The following SAMD3 variants were observed in gnomAD, a reference collection of about 807,000 sequenced individuals.
SAMD3 encodes sterile alpha motif domain-containing protein 3.
A neutral mutation model predicts 58.5 loss-of-function variants in SAMD3; 63 were observed. The ratio of observed to expected loss-of-function variants is 1.08; its 90% CI spans 0.88 to 1.33. The LOEUF is 1.33. SAMD3 is among the 40% of genes most tolerant of loss of function. The pLI is 0.00. For synonymous variants in SAMD3, 220 were observed against 210.3 expected (o/e 1.05, Z -0.40); for missense variants, 604 against 608.4 (o/e 0.99, Z 0.08).
intron 2 of SAMD3, among the ~76,000 whole-genome samples, chr6:130,248,740 T>C (rs2114906153): frequency 6.6e-6 from 1 of 152,290 alleles, no homozygotes. Flanking sequence ...AGGCAGGCTC[T>C]CCTTGAGGGT....
intron 1 of SAMD3, among the ~76,000 whole-genome samples, chr6:130,314,342 C>T (rs1178765795): frequency 6.6e-6 from 1 of 152,140 alleles, no homozygotes; most frequent in Non-Finnish European, 1.5e-5. Flanking sequence ...AAAATAGACA[C>T]CTTTAAGCAA....
intron 1 of SAMD3, among the ~76,000 whole-genome samples, chr6:130,363,420 A>G (rs1440177644): frequency 6.6e-6 from 1 of 152,228 alleles, no homozygotes; most frequent in Non-Finnish European, 1.5e-5. Flanking sequence ...ATAATACTAT[A>G]CCAAGAGTGA....
chr6:130,235,252 G>A (rs1378044446), intron 2 of SAMD3, among the ~76,000 whole-genome samples: 1 of 152,148 alleles, frequency 6.6e-6, no homozygotes, highest in Non-Finnish European at 1.5e-5. Flanking sequence ...TTGTCTTCTG[G>A]TAGAACTAAA....
chr6:130,207,168 A>AAAAAAAAAG (rs1401085331), intron 5 of SAMD3, among the ~76,000 whole-genome samples: 2 of 147,028 alleles, frequency 1.4e-5, no homozygotes, highest in African/African-American at 5.1e-5. Context: ...TCAAAAAAAA[A>AAAAAAAAAG]AAAAGAAAAA....
At chr6:130,174,037 C>G (rs926940225) in intron 8 of SAMD3, among the ~76,000 whole-genome samples, 1 of 152,176 alleles carries the variant, frequency 6.6e-6, no homozygotes, top group African/African-American at 2.4e-5. Context: ...CCACCAAGCT[C>G]GATCATCCCA....
At chr6:130,192,066 A>G (rs1793598039) in intron 5 of SAMD3, among the ~76,000 whole-genome samples, 1 of 152,144 alleles carries the variant, frequency 6.6e-6, no homozygotes, top group African/African-American at 2.4e-5. Flanking sequence ...GGTTCTCCTC[A>G]TCTGAATCCC....
chr6:130,347,296 T>A (rs971579868), intron 1 of SAMD3, among the ~76,000 whole-genome samples: 8 of 151,918 alleles, frequency 5.3e-5, no homozygotes, highest in African/African-American at 1.9e-4. Context: ...AGGAGGAAGT[T>A]CAAACCCATG....
At chr6:130,197,319 C>A (rs1167408283) in intron 5 of SAMD3, among the ~76,000 whole-genome samples, 2 of 152,190 alleles carry the variant, frequency 1.3e-5, no homozygotes, top group Non-Finnish European at 2.9e-5. Context: ...CTCATACATG[C>A]CCTGCTCTTG....
chr6:130,345,116 T>C lies in SAMD3; in HGVS notation c.-304+20004A>G, dbSNP rs1454951966. 2.0e-5 allele frequency among the ~76,000 whole-genome samples: 3 copies of C among 152,200 alleles called. No individual in the cohort carries two copies. The East Asian group carries it at 5.8e-4, about 29-fold the overall frequency. ...AGTAAGTGGCTCAATACTTAATATGTCTTTAATAAATGAGTGTGGAGTTGA... is the reference window on the plus strand; with the variant it reads ...AGTAAGTGGCTCAATACTTAATATGCCTTTAATAAATGAGTGTGGAGTTGA... On this transcript the variant is annotated intron_variant, in intron 1 of 13. Transcript: ENST00000368134.
chr6:130,338,133 G>A lies in SAMD3; in HGVS notation c.-303-25040C>T, dbSNP rs182833895. Among the ~76,000 whole-genome samples, 609 of 152,288 alleles carry A rather than the reference G, an allele frequency of 4.0e-3. 3 individuals carry two copies. The highest frequency in any genetic ancestry group is 4.1e-3 in the South Asian group (20 of 4,826). ...GTAGCCTGGGGACTTGGTGCCCTGC[G>A]TTCCAGCTGCTCCAGCTCCAGCTGG... On this transcript the variant is annotated intron_variant, in intron 1 of 13. Coordinates refer to the SAMD3 transcript ENST00000368134.
intron 2 of SAMD3, among the ~76,000 whole-genome samples, chr6:130,268,308 G>A (rs910138944): frequency 6.6e-6 from 1 of 152,132 alleles, no homozygotes; most frequent in African/African-American, 2.4e-5. Flanking sequence ...TAATCTAAGT[G>A]TTACTACAAA....
intron 2 of SAMD3, among the ~76,000 whole-genome samples, chr6:130,308,473 G>A (rs1213211961): frequency 6.9e-6 from 1 of 145,388 alleles, no homozygotes; most frequent in Admixed American, 6.9e-5. Context: ...TCCTTGGGGA[G>A]AAAGCTCATC....
intron 1 of SAMD3, among the ~76,000 whole-genome samples, chr6:130,339,787 A>C (rs1272849357): frequency 6.6e-6 from 1 of 152,150 alleles, no homozygotes; most frequent in East Asian, 1.9e-4. Flanking sequence ...TCACACTCTT[A>C]CCTTCTATAG....
Position 130,214,443 on chromosome 6 carries a change from C to G in SAMD3, c.163G>C (p.Val55Leu). The stretch of plus-strand genomic sequence containing the variant: ...TATTTTTTAATTAAATCCATCAGAA[C>G]AGCCTGGTGCCCAATTTTCTTTACC... Reference protein sequence around the residue: ...QLVKKIGHQAVLMDLIKKYKQ... With the variant: ...QLVKKIGHQALLMDLIKKYKQ... Residue 55 changes from valine to leucine, a missense_variant, in exon 4 of 12, where the codon GTT (valine) becomes CTT (leucine). Val to Leu is a conservative substitution (Grantham distance 32, BLOSUM62 1). Transcript: ENST00000439090. 6.2e-7 allele frequency: 1 copy of G among 1,613,434 alleles called. No individual in the cohort carries two copies.
chr6:130,328,358 C>T (rs1562524868), intron 1 of SAMD3, among the ~76,000 whole-genome samples: 1 of 152,148 alleles, frequency 6.6e-6, no homozygotes, highest in African/African-American at 2.4e-5. Context: ...TGTCTACTAC[C>T]TAGAGGCTCT....
rs540944608 is a variant in SAMD3 at position 130,335,178 on chromosome 6, T to C, written c.-303-22085A>G. 3.9e-5 allele frequency among the ~76,000 whole-genome samples: 6 copies of C among 152,202 alleles called. No individual in the cohort carries two copies. The East Asian group carries it at 1.2e-3, about 29-fold the overall frequency. The stretch of plus-strand genomic sequence containing the variant: ...TTAGCAGATTTTTCATGCTCCAGGG[T>C]GAATGGAAATACAGCCAAGGTTGTG... On this transcript the variant is annotated intron_variant, in intron 1 of 13. Coordinates refer to the SAMD3 transcript ENST00000368134.
At chr6:130,278,502 T>C (rs769416823) in intron 2 of SAMD3, among the ~76,000 whole-genome samples, 3 of 152,214 alleles carry the variant, frequency 2.0e-5, no homozygotes, top group Non-Finnish European at 4.4e-5. Flanking sequence ...TTCTTATTCA[T>C]ACAATTTCCA....
intron 2 of SAMD3, among the ~76,000 whole-genome samples, chr6:130,273,634 TTC>T (rs766098940): frequency 6.6e-6 from 1 of 152,024 alleles, no homozygotes; most frequent in South Asian, 2.1e-4. Context: ...TTTATTCTCT[TTC>T]TCTTTTTCTT....
At position 130,208,365 on chromosome 6, in the gene SAMD3, G is replaced by T. The variant is rs540935372; in HGVS notation, c.383+1130C>A. Among the ~76,000 whole-genome samples, 3 of 152,312 alleles carry T rather than the reference G, an allele frequency of 2.0e-5. No individual in the cohort carries two copies. In the South Asian group the frequency reaches 6.2e-4, roughly 32 times the overall value. ...GTGGGACGGCCGTGAAATGCTGTAG[G>T]ACAGGGGTTCTTAACCCTCAGGACA... On this transcript the variant is annotated intron_variant, in intron 5 of 11. Transcript: ENST00000439090.
Sources: gnomAD v4.1 joint callset for allele counts (sites outside exome capture counted in the v4.1 genomes callset) on GRCh38, gnomAD v4.1.1 for gene constraint, MANE v1.5 for transcripts, NCBI Gene and HGNC (gene_info 2026-07-23, HGNC 2026-07-21) for gene names.